Variants in FAM135B observed in about 807,000 individuals in gnomAD.
FAM135B encodes the protein family with sequence similarity 135 member B.
FAM135B carries 43 observed loss-of-function variants against 127.7 expected under a neutral mutation model. The observed-to-expected ratio is 0.34, with a 90% CI of 0.26 to 0.43. FAM135B has a LOEUF of 0.43. Among genes scored for constraint, FAM135B ranks in the 20% least tolerant of loss-of-function variants. FAM135B has a pLI of 1.00. For synonymous variants in FAM135B, 670 were observed against 665.1 expected, an observed-to-expected ratio of 1.01 and a Z score of -0.11; for missense variants, 1,558 against 1,725.6, an observed-to-expected ratio of 0.90 and a Z score of 1.72.
intron 11 of FAM135B, among the ~76,000 whole-genome samples, chr8:138,169,123 A>T (rs1479078381): frequency 1.3e-5 from 2 of 152,114 alleles, no homozygotes; most frequent in Non-Finnish European, 2.9e-5. Context: ...TATAATATAC[A>T]TAGTGAATTT....
chr8:138,426,503 AC>A (rs1286821954), intron 1 of FAM135B, among the ~76,000 whole-genome samples: 19 of 151,060 alleles, frequency 1.3e-4, no homozygotes, highest in African/African-American at 4.6e-4. Flanking sequence ...ACATATGTAT[AC>A]TATATATGTA....
intron 7 of FAM135B, among the ~76,000 whole-genome samples, chr8:138,229,637 A>G (rs190884892): frequency 2.0e-5 from 3 of 152,256 alleles, no homozygotes; most frequent in East Asian, 1.9e-4. Flanking sequence ...TGCCACCTTT[A>G]ACACACACCT....
intron 6 of FAM135B, among the ~76,000 whole-genome samples, chr8:138,245,375 T>C (rs1452451868): frequency 6.6e-6 from 1 of 152,162 alleles, no homozygotes; most frequent in Non-Finnish European, 1.5e-5. Context: ...CCACATGTTG[T>C]GGGAGGGATC....
At chr8:138,193,232 T>C (rs956450899) in intron 9 of FAM135B, among the ~76,000 whole-genome samples, 2 of 152,186 alleles carry the variant, frequency 1.3e-5, no homozygotes, top group Non-Finnish European at 2.9e-5. Flanking sequence ...GCTTTGGTAA[T>C]GGTGAAATCT....
At chr8:138,176,467 C>T (rs1047938268) in intron 11 of FAM135B, among the ~76,000 whole-genome samples, 4 of 152,186 alleles carry the variant, frequency 2.6e-5, no homozygotes, top group Non-Finnish European at 4.4e-5. Context: ...AGTGAATGAC[C>T]GTAGAAATTC....
intron 2 of FAM135B, among the ~76,000 whole-genome samples, chr8:138,354,773 G>A (rs1393121685): frequency 6.6e-6 from 1 of 152,092 alleles, no homozygotes; most frequent in Non-Finnish European, 1.5e-5. Context: ...CTTTCAAGGG[G>A]GGATTTGTAT....
At chr8:138,388,690 A>G (rs1266999192) in intron 1 of FAM135B, among the ~76,000 whole-genome samples, 3 of 152,232 alleles carry the variant, frequency 2.0e-5, no homozygotes, top group Non-Finnish European at 4.4e-5. Context: ...GTTGTAGAAG[A>G]TGAAACAACC....
intron 7 of FAM135B, among the ~76,000 whole-genome samples, chr8:138,238,591 G>A (rs1473744156): frequency 9.9e-5 from 15 of 152,182 alleles, no homozygotes; most frequent in African/African-American, 2.9e-4. Context: ...CAATCAGCTC[G>A]TATTGCTATG....
At chr8:138,205,977 C>G (rs1379135070) in intron 7 of FAM135B, among the ~76,000 whole-genome samples, 1 of 148,638 alleles carries the variant, frequency 6.7e-6, no homozygotes, top group Non-Finnish European at 1.5e-5. Context: ...AGCACCTCCA[C>G]CTACACACAG....
rs747361698 is a variant in FAM135B, at chr8:138,250,915, G to C, written c.468C>G (p.Phe156Leu). The C allele has an allele frequency of 6.2e-7, 1 of 1,613,770 alleles. No individual in the cohort carries two copies. Among genetic ancestry groups the C allele is most frequent in the Non-Finnish European group, 8.5e-7 (1 of 1,179,986 alleles). Residue 156 changes from phenylalanine (F) to leucine (L), a missense_variant, in exon 6 of 20, where the codon TTC becomes TTG. Physicochemically the swap from Phe to Leu is conservative, Grantham distance 22. Around this residue, in one of 5 missense-constraint regions of FAM135B, gnomAD observed 199 missense variants for 245.7 expected, o/e 0.81. Transcript: ENST00000395297. ...AGATCACAGACAGGTGGAAATAGTC[G>C]AACATGACCGGGACCTGGTGGTGCA... ...NGLHHQVPVM[F>L]DYFHLSVISV...
intron 1 of FAM135B, among the ~76,000 whole-genome samples, chr8:138,447,948 T>C (rs1587479751): frequency 6.6e-6 from 1 of 151,478 alleles, no homozygotes; most frequent in South Asian, 2.1e-4. Flanking sequence ...ACTCTTTAGG[T>C]CTCCAAACCA....
chr8:138,361,781 G>A (rs567260328), intron 2 of FAM135B, among the ~76,000 whole-genome samples: 1 of 152,106 alleles, frequency 6.6e-6, no homozygotes, highest in South Asian at 2.1e-4. Context: ...TGATATCCAG[G>A]TCCCTTGTCG....
intron 2 of FAM135B, among the ~76,000 whole-genome samples, chr8:138,353,717 G>A (rs1039772145): frequency 6.6e-6 from 1 of 152,112 alleles, no homozygotes; most frequent in Non-Finnish European, 1.5e-5. Context: ...CTATCTCACA[G>A]GTCTATGGAT....
At chr8:138,445,174 CA>C (rs1030249079) in intron 1 of FAM135B, among the ~76,000 whole-genome samples, 5 of 152,068 alleles carry the variant, frequency 3.3e-5, no homozygotes, top group African/African-American at 1.2e-4. Flanking sequence ...GCTTACCAAC[CA>C]AAAAAAGTCC....
chr8:138,153,849 C>T (rs1818425843), intron 12 of FAM135B, among the ~76,000 whole-genome samples: 2 of 152,194 alleles, frequency 1.3e-5, no homozygotes, highest in South Asian at 2.1e-4. Flanking sequence ...CTGTAGACTC[C>T]ACCTCTCGGG....
At chr8:138,318,326 G>A (rs146677162) in intron 2 of FAM135B, among the ~76,000 whole-genome samples, 2 of 152,328 alleles carry the variant, frequency 1.3e-5, no homozygotes, top group African/African-American at 4.8e-5. Flanking sequence ...CATTGTAAGG[G>A]TGCCTTCTCT....
chr8:138,380,575 C>T (rs992563658), intron 1 of FAM135B, among the ~76,000 whole-genome samples: 10 of 152,094 alleles, frequency 6.6e-5, no homozygotes, highest in South Asian at 2.1e-4. Context: ...CCGCTCCTTA[C>T]ACAGATACGA....
intron 14 of FAM135B, among the ~76,000 whole-genome samples, 180 bp downstream of exon 14, chr8:138,148,336 TGACA>T (rs1817821754): frequency 6.6e-6 from 1 of 152,204 alleles, no homozygotes; most frequent in South Asian, 2.1e-4. Context: ...AGGTTTTTTG[TGACA>T]GAGAGATATT....
chr8:138,149,782 C>T (rs13269478), intron 13 of FAM135B, among the ~76,000 whole-genome samples: 81,736 of 151,800 alleles, frequency 0.54, 22,616 homozygotes, highest in East Asian at 0.76. Context: ...TTAGGTGCTT[C>T]TCCTTTTGGC....
Sources: gnomAD v4.1 joint callset for allele counts (sites outside exome capture counted in the v4.1 genomes callset) on GRCh38, gnomAD v4.1.1 for gene constraint, gnomAD v4.1.1 regional missense constraint, MANE v1.5 for transcripts, NCBI Gene and HGNC (gene_info 2026-07-23, HGNC 2026-07-21) for gene names.